The following ARMH3 variants were observed in gnomAD, a reference collection of about 807,000 sequenced individuals.
ARMH3 encodes armadillo like helical domain containing 3.
A neutral mutation model predicts 99.1 loss-of-function variants in ARMH3; 60 were observed. The observed-to-expected ratio is 0.61, with a 90% CI of 0.49 to 0.75. ARMH3 has a LOEUF of 0.75. Among genes scored for constraint, ARMH3 ranks in the 30% least tolerant of loss-of-function variants. The probability of loss-of-function intolerance (pLI) is 0.00; values close to 1 mark genes in which losing one functional copy is unlikely to be tolerated. For missense variants in ARMH3, 679 were observed against 843.1 expected, an observed-to-expected ratio of 0.81 and a Z score of 2.41; for synonymous variants, 285 against 292.8, an observed-to-expected ratio of 0.97 and a Z score of 0.27.
intron 22 of ARMH3, among the ~76,000 whole-genome samples, chr10:101,955,134 T>A (rs1844971219): frequency 6.6e-6 from 1 of 152,204 alleles, no homozygotes; most frequent in African/African-American, 2.4e-5. Context: ...CCTGAGCACA[T>A]CTAGCCAACG....
chr10:101,959,106 G>C (rs1034162313), intron 20 of ARMH3, among the ~76,000 whole-genome samples: 1 of 152,198 alleles, frequency 6.6e-6, no homozygotes, highest in African/African-American at 2.4e-5. Context: ...ATGATAGGCA[G>C]CTGGCCCTTT....
chr10:101,948,630 G>C (rs958941848), intron 22 of ARMH3, among the ~76,000 whole-genome samples: 1 of 151,252 alleles, frequency 6.6e-6, no homozygotes, highest in Non-Finnish European at 1.5e-5. Context: ...GAACCAAAAG[G>C]GGAAAACAGA....
At chr10:102,008,387 A>G (rs2066552334) in intron 13 of ARMH3, among the ~76,000 whole-genome samples, 1 of 152,258 alleles carries the variant, frequency 6.6e-6, no homozygotes, top group South Asian at 2.1e-4. Context: ...CACTTTATCA[A>G]TTTTTTAAAA....
Position 101,847,186 on chromosome 10 carries a change from A to C in ARMH3, c.*342T>G. On this transcript the variant is annotated 3_prime_UTR_variant, in exon 26 of 26. Coordinates refer to ENST00000370033, the MANE Select transcript of ARMH3 (RefSeq NM_024541.3). ...CTTTCAGGGTGCTGGCATTACCCTGAGGCTTGCCTCACCAGCTCCCGAAAA... is the reference window on the plus strand; with the variant it reads ...CTTTCAGGGTGCTGGCATTACCCTGCGGCTTGCCTCACCAGCTCCCGAAAA... 3.9e-6 allele frequency: 1 copy of C among 253,796 alleles called. No individual in the cohort carries two copies. Among genetic ancestry groups the C allele is most frequent in the Non-Finnish European group, 7.8e-6 (1 of 127,846 alleles). 15.7% of individuals were successfully genotyped at this position (253,796 alleles called of 1,614,324 possible). A position where few individuals can be genotyped will look rare whatever the true frequency, so the allele number is the denominator to read the frequency against.
chr10:101,890,505 G>C (rs2067663729), intron 23 of ARMH3, among the ~76,000 whole-genome samples: 1 of 152,204 alleles, frequency 6.6e-6, no homozygotes. Context: ...ACCTCCCAAA[G>C]TGCTGGGATT....
chr10:101,954,836 C>G (rs1399609896), intron 22 of ARMH3, among the ~76,000 whole-genome samples: 1 of 152,148 alleles, frequency 6.6e-6, no homozygotes, highest in East Asian at 1.9e-4. Context: ...TTTTTACTCC[C>G]TTGGCAGATT....
chr10:101,908,685 C>CA (rs1842739188), intron 23 of ARMH3, among the ~76,000 whole-genome samples: 2 of 138,986 alleles, frequency 1.4e-5, no homozygotes, highest in Non-Finnish European at 3.1e-5. Context: ...TTTTTTGAGA[C>CA]AGAGTTTCGC....
chr10:101,897,889 C>T (rs1333646322), intron 23 of ARMH3, among the ~76,000 whole-genome samples: 1 of 152,162 alleles, frequency 6.6e-6, no homozygotes, highest in Non-Finnish European at 1.5e-5. Context: ...ATAGATGGAA[C>T]AGTAAGGATG....
intron 19 of ARMH3, among the ~76,000 whole-genome samples, chr10:101,980,125 G>A (rs1207612415): frequency 6.6e-6 from 1 of 152,142 alleles, no homozygotes; most frequent in African/African-American, 2.4e-5. Context: ...AGAAGAAACT[G>A]TCAGACCTAC....
rs191150322 is a variant in ARMH3, at chr10:101,991,394, C to A, written c.1345+575G>T. On this transcript the variant is annotated intron_variant, in intron 18 of 25. Transcript: ENST00000370033. ...AGAAAGGATGGGAAGAATTTGAAAT[C>A]TTTTTTTTTTTTGAGATGCAGTCTC... is the stretch of plus-strand genomic sequence containing the variant. Among the ~76,000 whole-genome samples the A allele has an allele frequency of 2.5e-4, 37 of 147,092 alleles. No homozygotes were observed. In the East Asian group the frequency reaches 6.9e-3, roughly 28 times the overall value.
At chr10:101,880,138 A>T (rs1365069803) in intron 24 of ARMH3, among the ~76,000 whole-genome samples, 1 of 152,244 alleles carries the variant, frequency 6.6e-6, no homozygotes, top group Admixed American at 6.5e-5. Context: ...ACAGGGAGGC[A>T]GTGAAAGACT....
intron 2 of ARMH3, among the ~76,000 whole-genome samples, chr10:102,036,305 C>T (rs2067269452): frequency 6.8e-6 from 1 of 147,944 alleles, no homozygotes; most frequent in Non-Finnish European, 1.5e-5. Flanking sequence ...GTGGGGGGCG[C>T]CTCTGCCCGG....
chr10:101,889,013 C>T (rs553415710), intron 24 of ARMH3, among the ~76,000 whole-genome samples: 1 of 152,334 alleles, frequency 6.6e-6, no homozygotes, highest in African/African-American at 2.4e-5. Flanking sequence ...CATGTTTTAA[C>T]GAGCCAAATA....
rs755191278 is a variant in ARMH3, at chr10:102,040,091, T to C, written c.24A>G (p.Gly8=). 6.2e-7 allele frequency: 1 copy of C among 1,614,174 alleles called. No individual in the cohort carries two copies. MAQVEKR[G]GLLRKSSASK... Reference sequence around the variant, plus strand: ...AGGCTGAAGATTTCCGGAGCAAACCTCCACGTTTCTCTACCTGTGCCATGG... The same window carrying C: ...AGGCTGAAGATTTCCGGAGCAAACCCCCACGTTTCTCTACCTGTGCCATGG... Residue 8 remains glycine, a synonymous_variant, in exon 2 of 26, where the codon GGA becomes GGG. Coordinates refer to ENST00000370033, the MANE Select transcript of ARMH3 (RefSeq NM_024541.3).
At chr10:101,872,369 C>T (rs909083870) in intron 24 of ARMH3, among the ~76,000 whole-genome samples, 13 of 152,056 alleles carry the variant, frequency 8.5e-5, no homozygotes, top group African/African-American at 3.1e-4. Context: ...ATGATCTGGA[C>T]ACTTCACAAA....
chr10:102,009,510 A>T (rs41314499), intron 12 of ARMH3, 61 bp from the exon 13 acceptor site: 17,134 of 1,368,902 alleles, frequency 0.013, 141 homozygotes, highest in Non-Finnish European at 0.015. Flanking sequence ...AAACAGTATA[A>T]CCATGAAGAT....
At chr10:101,851,122 G>C (rs528551432) in intron 24 of ARMH3, among the ~76,000 whole-genome samples, 2 of 152,300 alleles carry the variant, frequency 1.3e-5, no homozygotes, top group East Asian at 3.9e-4. Flanking sequence ...GACTAAGCTA[G>C]AGCCTTTATT....
chr10:102,044,369 C>T (rs768850715), intron 1 of ARMH3, among the ~76,000 whole-genome samples: 1 of 151,310 alleles, frequency 6.6e-6, no homozygotes, highest in Non-Finnish European at 1.5e-5. Flanking sequence ...GCCACCATGC[C>T]CGGCCTTTTT....
At chr10:101,871,824 A>C (rs1167654963) in intron 24 of ARMH3, among the ~76,000 whole-genome samples, 3 of 152,056 alleles carry the variant, frequency 2.0e-5, no homozygotes, top group African/African-American at 7.2e-5. Context: ...AACATGGTGA[A>C]ACCCTGTTTC....
Sources: allele counts gnomAD v4.1 joint callset (sites outside exome capture counted in the v4.1 genomes callset), GRCh38; gene constraint gnomAD v4.1.1; transcripts MANE v1.5; gene names NCBI Gene and HGNC (gene_info 2026-07-23, HGNC 2026-07-21).